The following PDE7B variants were observed in gnomAD, a reference collection of about 807,000 sequenced individuals.
PDE7B encodes phosphodiesterase 7B.
PDE7B carries 29 observed loss-of-function variants against 56.2 expected under a neutral mutation model. That is an observed-to-expected ratio of 0.52 (90% CI 0.38 to 0.70). PDE7B has a LOEUF of 0.70. Ranked by LOEUF, PDE7B falls within the 30% of genes least tolerant of loss-of-function variation. The probability of loss-of-function intolerance (pLI) is 0.00; values close to 1 mark genes in which losing one functional copy is unlikely to be tolerated. For missense variants in PDE7B, 490 were observed against 565.0 expected (o/e 0.87, Z 1.35); for synonymous variants, 197 against 196.9 (o/e 1.00, Z 0.00).
At chr6:136,158,351 T>C (rs1778646197) in intron 8 of PDE7B, among the ~76,000 whole-genome samples, 1 of 152,196 alleles carries the variant, frequency 6.6e-6, no homozygotes, top group Admixed American at 6.5e-5. Context: ...GAAAAAAATA[T>C]ATGTACATAT....
At chr6:136,038,326 G>A (rs868033028) in intron 2 of PDE7B, 1 of 1,292,930 alleles carries the variant, frequency 7.7e-7, no homozygotes, top group Non-Finnish European at 1.0e-6. Flanking sequence ...ACCCAGCAGA[G>A]CTAGGCAGGA....
intron 3 of PDE7B, among the ~76,000 whole-genome samples, chr6:136,128,943 T>C (rs775568474): frequency 6.6e-6 from 1 of 152,136 alleles, no homozygotes; most frequent in Non-Finnish European, 1.5e-5. Context: ...CCCCAAGCTT[T>C]AGACTGTTCC....
intron 1 of PDE7B, among the ~76,000 whole-genome samples, chr6:135,888,729 G>A (rs569894343): frequency 6.6e-6 from 1 of 151,902 alleles, no homozygotes; most frequent in African/African-American, 2.4e-5. Flanking sequence ...GGACTATTTA[G>A]AAATATAGAT....
intron 3 of PDE7B, among the ~76,000 whole-genome samples, chr6:136,141,297 T>G (rs1778321116): frequency 1.3e-5 from 2 of 152,222 alleles, no homozygotes; most frequent in African/African-American, 2.4e-5. Context: ...GAACCAGCCT[T>G]GCATCCCAGG....
chr6:136,040,037 G>A (rs937157748), intron 2 of PDE7B, among the ~76,000 whole-genome samples: 1 of 152,118 alleles, frequency 6.6e-6, no homozygotes, highest in Non-Finnish European at 1.5e-5. Flanking sequence ...TCCTGAAAAA[G>A]CAATACTCTG....
intron 11 of PDE7B, among the ~76,000 whole-genome samples, chr6:136,186,101 T>C (rs1405740464): frequency 1.3e-5 from 2 of 151,748 alleles, no homozygotes; most frequent in Non-Finnish European, 2.9e-5. Flanking sequence ...ACCAGCCTGA[T>C]AGCTGACCAA....
intron 6 of PDE7B, among the ~76,000 whole-genome samples, chr6:136,151,941 AAAAT>A (rs142191170): frequency 0.08 from 12,159 of 151,860 alleles, 1,662 homozygotes; most frequent in African/African-American, 0.28. Context: ...CTCTGTCTTA[AAAAT>A]AAATAAATAA....
At chr6:135,865,816 T>C (rs1398357969) in intron 1 of PDE7B, among the ~76,000 whole-genome samples, 1 of 152,168 alleles carries the variant, frequency 6.6e-6, no homozygotes, top group South Asian at 2.1e-4. Context: ...TATGAGGTGA[T>C]TGAAAGTGGT....
intron 9 of PDE7B, among the ~76,000 whole-genome samples, chr6:136,176,190 A>G (rs1364331402): frequency 6.6e-6 from 1 of 152,058 alleles, no homozygotes; most frequent in Non-Finnish European, 1.5e-5. Flanking sequence ...ACCATTTGTT[A>G]TATGTGGTAA....
chr6:135,990,682 T>A (rs1775463640), intron 2 of PDE7B, among the ~76,000 whole-genome samples: 1 of 152,216 alleles, frequency 6.6e-6, no homozygotes, highest in African/African-American at 2.4e-5. Context: ...TGAAAATTGC[T>A]TTAAAAAGCA....
At chr6:136,190,437 G>T (rs1779205357) in intron 12 of PDE7B, among the ~76,000 whole-genome samples, 1 of 152,160 alleles carries the variant, frequency 6.6e-6, no homozygotes, top group Non-Finnish European at 1.5e-5. Flanking sequence ...AGTGTCTGCT[G>T]TTTGTCCAAC....
intron 1 of PDE7B, among the ~76,000 whole-genome samples, chr6:135,869,599 G>A (rs1006644189): frequency 1.3e-5 from 2 of 152,184 alleles, no homozygotes; most frequent in African/African-American, 2.4e-5. Flanking sequence ...ATGACTGACA[G>A]TTACTACATA....
chr6:135,972,302 A>G (rs1308045333), intron 2 of PDE7B, among the ~76,000 whole-genome samples: 2 of 150,696 alleles, frequency 1.3e-5, no homozygotes, highest in Non-Finnish European at 2.9e-5. Flanking sequence ...CATGCAACTC[A>G]TGGGTCATGA....
intron 1 of PDE7B, among the ~76,000 whole-genome samples, chr6:135,869,503 T>G (rs1775332720): frequency 6.6e-6 from 1 of 152,168 alleles, no homozygotes; most frequent in Non-Finnish European, 1.5e-5. Flanking sequence ...CCATCAGGTA[T>G]TTGGGGCCCT....
At chr6:135,941,566 T>A (rs147422638) in intron 1 of PDE7B, among the ~76,000 whole-genome samples, 281 of 152,332 alleles carry the variant, frequency 1.8e-3, no homozygotes, top group African/African-American at 6.4e-3. Context: ...TGAGTCAATT[T>A]CACAGTGTGG....
At chr6:136,040,144 T>C (rs1376435490) in intron 2 of PDE7B, among the ~76,000 whole-genome samples, 2 of 152,182 alleles carry the variant, frequency 1.3e-5, no homozygotes, top group African/African-American at 4.8e-5. Flanking sequence ...TATACCTCTC[T>C]ACCACTGCCT....
intron 2 of PDE7B, among the ~76,000 whole-genome samples, chr6:136,008,283 G>A (rs188267423): frequency 5.9e-5 from 9 of 152,072 alleles, no homozygotes; most frequent in South Asian, 2.1e-4. Flanking sequence ...GAATAGTGCC[G>A]CAATAAACAT....
At chr6:136,067,165 T>C (rs1776954648) in intron 2 of PDE7B, among the ~76,000 whole-genome samples, 1 of 152,230 alleles carries the variant, frequency 6.6e-6, no homozygotes, top group Admixed American at 6.5e-5. Context: ...AACCATGTTT[T>C]TTCTCTGTAG....
At chr6:136,068,467 G>A (rs183907813) in intron 2 of PDE7B, among the ~76,000 whole-genome samples, 1 of 116,806 alleles carries the variant, frequency 8.6e-6, no homozygotes, top group Admixed American at 1.3e-4. Flanking sequence ...GTCTCGCTCT[G>A]TCTCCCAGGC....
Sources: allele counts gnomAD v4.1 joint callset (sites outside exome capture counted in the v4.1 genomes callset), GRCh38; gene constraint gnomAD v4.1.1; transcripts MANE v1.5; gene names NCBI Gene and HGNC (gene_info 2026-07-23, HGNC 2026-07-21).